The following EZHIP variants were observed in gnomAD, a reference collection of about 807,000 sequenced individuals.
EZHIP encodes EZH inhibitory protein, also known as K27M-like inhibitor of PRC2.
For synonymous variants in EZHIP, 192 were observed against 86.5 expected (o/e 2.22, Z -6.77); for missense variants, 428 against 204.2 (o/e 2.10, Z -6.68).
In EZHIP at chrX:51,406,998, T is replaced by TG. The variant is rs782707576; in HGVS notation, c.-14dup. 206 of 558,983 alleles carry TG rather than the reference T, an allele frequency of 3.7e-4. No individual in the cohort carries two copies. The highest frequency in any genetic ancestry group is 6.4e-4 in the Non-Finnish European group (194 of 303,109). The allele number at this position is 558,983 out of a possible 1,213,427, so 46.1% of individuals were successfully genotyped here. ...AAGTAGCAGCTGCGCTCTTGCTCTC[T>TG]GGGGGAGAACCTGGCGTTATGGCCA... On this transcript the variant is annotated 5_prime_UTR_variant, in exon 1 of 1. Coordinates refer to ENST00000342995, the MANE Select transcript of EZHIP (RefSeq NM_203407.3).
rs1451878384 is a variant in EZHIP at position 51,407,418 on chromosome X, G to T, written c.402G>T (p.Glu134Asp). ...AGAAGGCCACTGGCCACGCCGACGA[G>T]CACCTGGCCCAGACCAAGAGCCCCG... The part of the protein sequence containing the change: ...GPQKATGHAD[E>D]HLAQTKSPGN... The change falls in exon 1 of 1, where the codon GAG (glutamate) becomes GAT (aspartate). Residue 134 changes from glutamate (E) to aspartate (D), a missense_variant. Physicochemically the swap from Glu to Asp is conservative, Grantham distance 45. Transcript: ENST00000342995. The T allele has an allele frequency of 5.5e-6, 3 of 541,203 alleles. No individual in the cohort carries two copies. The highest frequency in any genetic ancestry group is 1.0e-5 in the Non-Finnish European group (3 of 295,308). The allele number at this position is 541,203 out of a possible 1,213,427, so 44.6% of individuals were successfully genotyped here.
At position 51,407,756 on chromosome X, in the gene EZHIP, C is replaced by T. The variant is rs377184357; in HGVS notation, c.740C>T (p.Pro247Leu). ...ACCGCCCAGCCAGGCCCTGCTTTTC[C>T]ACACCGCGCCACTCATCTAGACCCT... is the stretch of plus-strand genomic sequence containing the variant. ...GCTAQPGPAFPHRATHLDPAR... is the reference protein window; with the variant it reads ...GCTAQPGPAFLHRATHLDPAR... Residue 247 changes from proline to leucine, a missense_variant, in exon 1 of 1, where the codon CCA becomes CTA. Physicochemically the swap from Pro to Leu is moderately conservative, Grantham distance 98. Transcript: ENST00000342995. 6.4e-5 allele frequency: 36 copies of T among 564,446 alleles called. No homozygotes were observed. Among genetic ancestry groups the T allele is most frequent in the East Asian group, 3.3e-4 (10 of 30,455 alleles). The allele number at this position is 564,446 out of a possible 1,213,427, so 46.5% of individuals were successfully genotyped here.
rs1432280108 is a variant in EZHIP at position 51,407,831 on chromosome X, C to G, written c.815C>G (p.Ala272Gly). The change falls in exon 1 of 1, where the codon GCA becomes GGA. Residue 272 changes from alanine to glycine, a missense_variant. By Grantham distance (60) the Ala-to-Gly change is moderately conservative. Coordinates refer to ENST00000342995, the MANE Select transcript of EZHIP (RefSeq NM_203407.3). Reference protein sequence around the residue: ...SAPGPARRGRASVPGPARRGC... With the variant: ...SAPGPARRGRGSVPGPARRGC... ...CCAGGCCCTGCCCGCCGAGGCCGTG[C>G]ATCTGTGCCAGGCCCTGCCCGCCGA... 5.4e-6 allele frequency: 3 copies of G among 558,948 alleles called. No homozygotes were observed. The highest frequency in any genetic ancestry group is 9.8e-6 in the Non-Finnish European group (3 of 304,760). 46.1% of individuals were successfully genotyped at this position (558,948 alleles called of 1,213,427 possible).
In EZHIP at chrX:51,408,781, C is replaced by T. The variant is rs942964596; in HGVS notation, c.*253C>T. The stretch of plus-strand genomic sequence containing the variant: ...CCCTTGAGCTGAGATTTCTGTTTTC[C>T]AAGTTGCTTTTCTGTTATGAAATGT... On this transcript the variant is annotated 3_prime_UTR_variant, in exon 1 of 1. Transcript: ENST00000342995. 2 of 342,970 alleles carry T rather than the reference C, an allele frequency of 5.8e-6. No homozygotes were observed. Among genetic ancestry groups the T allele is most frequent in the Non-Finnish European group, 1.0e-5 (2 of 191,184 alleles). The allele number at this position is 342,970 out of a possible 1,213,427, so 28.3% of individuals were successfully genotyped here.
At position 51,407,475 on chromosome X, in the gene EZHIP, C is replaced by G; in HGVS notation, c.459C>G (p.Arg153=). ...GCCGTCGTAGGAAGCAGCCCTGCCG[C>G]AACCAGGCTGCCCCGGCTCAGAAGC... ...GNSRRRKQPC[R]NQAAPAQKPP... Residue 153 remains arginine, a synonymous_variant, in exon 1 of 1, where the codon CGC becomes CGG. Transcript: ENST00000342995. 3.7e-6 allele frequency: 2 copies of G among 536,792 alleles called. No homozygotes were observed. Among genetic ancestry groups the G allele is most frequent in the Non-Finnish European group, 6.8e-6 (2 of 292,343 alleles). 44.2% of individuals were successfully genotyped at this position (536,792 alleles called of 1,213,427 possible).
At position 51,407,862 on chromosome X, in the gene EZHIP, CG is replaced by C. The variant is rs782773675; in HGVS notation, c.847del (p.Asp283IlefsTer164). The C allele has an allele frequency of 5.4e-5, 30 of 555,742 alleles. No individual in the cohort carries two copies. The African/African-American group carries it at 6.3e-4, about 12-fold the overall frequency. 45.8% of individuals were successfully genotyped at this position (555,742 alleles called of 1,213,427 possible). A position where few individuals can be genotyped will look rare whatever the true frequency, so the allele number is the denominator to read the frequency against. On this transcript the variant is annotated frameshift_variant, in exon 1 of 1. Transcript: ENST00000342995. LOFTEE classifies it low-confidence loss of function (END_TRUNC). Reference sequence around the variant, plus strand: ...TGCCAGGCCCTGCCCGCCGAGGCTGCGATTCTGCGCCAGGCCCTGCCCGCCG... The same window carrying C: ...TGCCAGGCCCTGCCCGCCGAGGCTGCATTCTGCGCCAGGCCCTGCCCGCCG... Reference protein sequence around the residue: ...SVPGPARRGCDSAPGPARRGR... With the variant: ...SVPGPARRGCXSAPGPARRGR...
At position 51,407,893 on chromosome X, in the gene EZHIP, C is replaced by T. The variant is rs1423163127; in HGVS notation, c.877C>T (p.Arg293Cys). The T allele has an allele frequency of 3.6e-6, 2 of 557,975 alleles. No homozygotes were observed. The highest frequency in any genetic ancestry group is 6.5e-6 in the Non-Finnish European group (2 of 305,919). 46.0% of individuals were successfully genotyped at this position (557,975 alleles called of 1,213,427 possible). A position where few individuals can be genotyped will look rare whatever the true frequency, so the allele number is the denominator to read the frequency against. ...DSAPGPARRGRDSAPVSAPRG... is the reference protein window; with the variant it reads ...DSAPGPARRGCDSAPVSAPRG... ...TGCGCCAGGCCCTGCCCGCCGAGGC[C>T]GCGATTCTGCGCCAGTCTCTGCCCC... Residue 293 changes from arginine (R) to cysteine (C), a missense_variant, in exon 1 of 1, where the codon CGC becomes TGC. Coordinates refer to ENST00000342995, the MANE Select transcript of EZHIP (RefSeq NM_203407.3).
chrX:51,408,416 A>C lies in EZHIP; in HGVS notation c.1400A>C (p.Glu467Ala), dbSNP rs781999175. 1.8e-5 allele frequency: 10 copies of C among 569,208 alleles called. No individual in the cohort carries two copies. The African/African-American group carries it at 2.2e-4, about 13-fold the overall frequency. 46.9% of individuals were successfully genotyped at this position (569,208 alleles called of 1,213,427 possible). Residue 467 changes from glutamate to alanine, a missense_variant, in exon 1 of 1, where the codon GAA becomes GCA. Physicochemically the swap from Glu to Ala is moderately radical, Grantham distance 107. Transcript: ENST00000342995. The stretch of plus-strand genomic sequence containing the variant: ...AGATCTATCTCCACTCCTAGCCCTG[A>C]AAGCCTTAGGTATGCTTTGATGCCT... The part of the protein sequence containing the change: ...GLRSISTPSP[E>A]SLRYALMPEF...
rs1557318815 is a variant in EZHIP at position 51,407,848 on chromosome X, G to T, written c.832G>T (p.Ala278Ser). The change falls in exon 1 of 1, where the codon GCC becomes TCC. Residue 278 changes from alanine (A) to serine (S), a missense_variant. Transcript: ENST00000342995. The part of the protein sequence containing the change: ...RRGRASVPGP[A>S]RRGCDSAPGP... Reference sequence around the variant, plus strand: ...AGGCCGTGCATCTGTGCCAGGCCCTGCCCGCCGAGGCTGCGATTCTGCGCC... The same window carrying T: ...AGGCCGTGCATCTGTGCCAGGCCCTTCCCGCCGAGGCTGCGATTCTGCGCC... 3.6e-6 allele frequency: 2 copies of T among 557,033 alleles called. No individual in the cohort carries two copies. The allele number at this position is 557,033 out of a possible 1,213,427, so 45.9% of individuals were successfully genotyped here.
rs1924121090 is a variant in EZHIP at position 51,407,915 on chromosome X, C to T, written c.899C>T (p.Ala300Val). Residue 300 changes from alanine (A) to valine (V), a missense_variant, in exon 1 of 1, where the codon GCC becomes GTC. Ala to Val is a moderately conservative substitution (Grantham distance 64, BLOSUM62 0). Transcript: ENST00000342995. ...RRGRDSAPVSAPRGRDSAPGS... is the reference protein window; with the variant it reads ...RRGRDSAPVSVPRGRDSAPGS... Reference sequence around the variant, plus strand: ...GGCCGCGATTCTGCGCCAGTCTCTGCCCCCCGAGGCCGCGATTCTGCGCCA... The same window carrying T: ...GGCCGCGATTCTGCGCCAGTCTCTGTCCCCCGAGGCCGCGATTCTGCGCCA... 7.2e-6 allele frequency: 4 copies of T among 558,989 alleles called. 1 individual carries two copies. The highest frequency in any genetic ancestry group is 4.5e-5 in the South Asian group (2 of 44,283). The allele number at this position is 558,989 out of a possible 1,213,427, so 46.1% of individuals were successfully genotyped here. A position where few individuals can be genotyped will look rare whatever the true frequency, so the allele number is the denominator to read the frequency against.
In EZHIP at chrX:51,406,979, C is replaced by T. The variant is rs782608588; in HGVS notation, c.-38C>T. On this transcript the variant is annotated 5_prime_UTR_variant, in exon 1 of 1. Transcript: ENST00000342995. ...TCGCGCTCTCCTCCGGCAGAAGTAG[C>T]AGCTGCGCTCTTGCTCTCTGGGGGA... 3 of 543,353 alleles carry T rather than the reference C, an allele frequency of 5.5e-6. No homozygotes were observed. Among genetic ancestry groups the T allele is most frequent in the African/African-American group, 2.2e-5 (1 of 44,463 alleles). The allele number at this position is 543,353 out of a possible 1,213,427, so 44.8% of individuals were successfully genotyped here. A position where few individuals can be genotyped will look rare whatever the true frequency, so the allele number is the denominator to read the frequency against.
At position 51,407,070 on chromosome X, in the gene EZHIP, G is replaced by C. The variant is rs782020216; in HGVS notation, c.54G>C (p.Gly18=). 1.8e-6 allele frequency: 1 copy of C among 570,868 alleles called. No homozygotes were observed. The highest frequency in any genetic ancestry group is 3.2e-6 in the Non-Finnish European group (1 of 309,410). 47.0% of individuals were successfully genotyped at this position (570,868 alleles called of 1,213,427 possible). A position where few individuals can be genotyped will look rare whatever the true frequency, so the allele number is the denominator to read the frequency against. ...AGCAGAAGCACCAGCAGGACGAGGG[G>C]CAGGGAGGGCTGAACAACGAAACCG... is the stretch of plus-strand genomic sequence containing the variant. ...EKEQKHQQDE[G]QGGLNNETAL... The change falls in exon 1 of 1, where the codon GGG becomes GGC. Residue 18 remains glycine (G), a synonymous_variant. Coordinates refer to ENST00000342995, the MANE Select transcript of EZHIP (RefSeq NM_203407.3).
rs1388151569 is a variant in EZHIP, at chrX:51,407,486, C to T, written c.470C>T (p.Ala157Val). Residue 157 changes from alanine (A) to valine (V), a missense_variant, in exon 1 of 1, where the codon GCC becomes GTC. Ala to Val is a moderately conservative substitution (Grantham distance 64). Transcript: ENST00000342995. The part of the protein sequence containing the change: ...RRKQPCRNQA[A>V]PAQKPPGRRL... ...AAGCAGCCCTGCCGCAACCAGGCTG[C>T]CCCGGCTCAGAAGCCTCCAGGGCGG... 1.7e-5 allele frequency: 9 copies of T among 537,025 alleles called. No homozygotes were observed. The highest frequency in any genetic ancestry group is 3.1e-5 in the Non-Finnish European group (9 of 292,834). The allele number at this position is 537,025 out of a possible 1,213,427, so 44.3% of individuals were successfully genotyped here.
Position 51,408,306 on chromosome X carries a change from C to T in EZHIP, c.1290C>T (p.Ser430=), listed in dbSNP as rs782581616. Residue 430 remains serine, a synonymous_variant, in exon 1 of 1, where the codon TCC becomes TCT. Coordinates refer to ENST00000342995, the MANE Select transcript of EZHIP (RefSeq NM_203407.3). ...CTCAGCAGTGGGATGAGAGCTCCTC[C>T]TCCTCCTATGCTTCCAACTCCTCCT... ...PIPQQWDESS[S]SSYASNSSSP... The T allele has an allele frequency of 3.5e-5, 20 of 569,310 alleles. No individual in the cohort carries two copies. Among genetic ancestry groups the T allele is most frequent in the Non-Finnish European group, 4.5e-5 (14 of 309,244 alleles). 46.9% of individuals were successfully genotyped at this position (569,310 alleles called of 1,213,427 possible).
Position 51,407,633 on chromosome X carries a change from C to T in EZHIP, c.617C>T (p.Ala206Val), listed in dbSNP as rs1557318757. Residue 206 changes from alanine (A) to valine (V), a missense_variant, in exon 1 of 1, where the codon GCA becomes GTA. Physicochemically the swap from Ala to Val is moderately conservative, Grantham distance 64. Transcript: ENST00000342995. ...CCAGGCCCTGCACTCCTAAGCCACG[C>T]ATCTGAGGCAAGGCCTGCTACCCGA... ...TQPGPALLSH[A>V]SEARPATRSR... 2 of 564,107 alleles carry T rather than the reference C, an allele frequency of 3.5e-6. No homozygotes were observed. The highest frequency in any genetic ancestry group is 4.5e-5 in the Admixed American group (2 of 44,703). The allele number at this position is 564,107 out of a possible 1,213,427, so 46.5% of individuals were successfully genotyped here.
rs1557318576 is a variant in EZHIP, at chrX:51,407,095, G to T, written c.79G>T (p.Ala27Ser). ...GCAGGGAGGGCTGAACAACGAAACC[G>T]CCCTTGCCTCCGGGGATGCCTGCGG... ...EGQGGLNNETALASGDACGTG... is the reference protein window; with the variant it reads ...EGQGGLNNETSLASGDACGTG... Residue 27 changes from alanine (A) to serine (S), a missense_variant, in exon 1 of 1, where the codon GCC becomes TCC. Transcript: ENST00000342995. 2 of 570,612 alleles carry T rather than the reference G, an allele frequency of 3.5e-6. No homozygotes were observed. The highest frequency in any genetic ancestry group is 6.5e-6 in the Non-Finnish European group (2 of 309,351). The allele number at this position is 570,612 out of a possible 1,213,427, so 47.0% of individuals were successfully genotyped here.
chrX:51,407,631 C>T lies in EZHIP; in HGVS notation c.615C>T (p.His205=), dbSNP rs781928344. 5.3e-6 allele frequency: 3 copies of T among 562,585 alleles called. No homozygotes were observed. Among genetic ancestry groups the T allele is most frequent in the East Asian group, 3.3e-5 (1 of 30,388 alleles). 46.4% of individuals were successfully genotyped at this position (562,585 alleles called of 1,213,427 possible). A position where few individuals can be genotyped will look rare whatever the true frequency, so the allele number is the denominator to read the frequency against. Residue 205 remains histidine, a synonymous_variant, in exon 1 of 1, where the codon CAC becomes CAT. Transcript: ENST00000342995. ...ATQPGPALLS[H]ASEARPATRS... ...AGCCAGGCCCTGCACTCCTAAGCCA[C>T]GCATCTGAGGCAAGGCCTGCTACCC...
In EZHIP at chrX:51,408,301, T is replaced by G; in HGVS notation, c.1285T>G (p.Ser429Ala). Reference protein sequence around the residue: ...LPIPQQWDESSSSSYASNSSS... With the variant: ...LPIPQQWDESASSSYASNSSS... ...CATCCCTCAGCAGTGGGATGAGAGC[T>G]CCTCCTCCTCCTATGCTTCCAACTC... The change falls in exon 1 of 1, where the codon TCC becomes GCC. Residue 429 changes from serine to alanine, a missense_variant. Coordinates refer to ENST00000342995, the MANE Select transcript of EZHIP (RefSeq NM_203407.3). 1 of 570,654 alleles carries G rather than the reference T, an allele frequency of 1.8e-6. No individual in the cohort carries two copies. Among genetic ancestry groups the G allele is most frequent in the Non-Finnish European group, 3.2e-6 (1 of 309,460 alleles). The allele number at this position is 570,654 out of a possible 1,213,427, so 47.0% of individuals were successfully genotyped here. A position where few individuals can be genotyped will look rare whatever the true frequency, so the allele number is the denominator to read the frequency against.
Position 51,407,120 on chromosome X carries a change from G to A in EZHIP, c.104G>A (p.Gly35Glu). The A allele has an allele frequency of 1.8e-6, 1 of 570,597 alleles. No individual in the cohort carries two copies. Among genetic ancestry groups the A allele is most frequent in the Non-Finnish European group, 3.2e-6 (1 of 309,343 alleles). The allele number at this position is 570,597 out of a possible 1,213,427, so 47.0% of individuals were successfully genotyped here. ...GCCCTTGCCTCCGGGGATGCCTGCG[G>A]GACCGGGAATCAAGATCCTGCTGCT... ...ETALASGDAC[G>E]TGNQDPAASV... The change falls in exon 1 of 1, where the codon GGG (glycine) becomes GAG (glutamate). Residue 35 changes from glycine (G) to glutamate (E), a missense_variant. Coordinates refer to ENST00000342995, the MANE Select transcript of EZHIP (RefSeq NM_203407.3).
Sources: gnomAD v4.1 joint callset for allele counts on GRCh38, gnomAD v4.1.1 for gene constraint, MANE v1.5 for transcripts, NCBI Gene and HGNC (gene_info 2026-07-23, HGNC 2026-07-21) for gene names.